Variants in MYCBP2 observed in about 807,000 individuals in gnomAD.
The protein encoded by MYCBP2 is MYC binding protein 2.
A neutral mutation model predicts 525.3 loss-of-function variants in MYCBP2; 120 were observed. The ratio of observed to expected loss-of-function variants is 0.23; its 90% CI spans 0.20 to 0.27. The LOEUF (loss-of-function observed/expected upper bound fraction) is 0.27. Ranked by LOEUF, MYCBP2 falls within the 10% of genes least tolerant of loss-of-function variation. The pLI, the probability that MYCBP2 is intolerant of heterozygous loss-of-function variation, is 1.00. For missense variants in MYCBP2, 4,149 were observed against 5,657.1 expected, an observed-to-expected ratio of 0.73 and a Z score of 8.55; for synonymous variants, 1,894 against 1,955.8, an observed-to-expected ratio of 0.97 and a Z score of 0.83.
intron 80 of MYCBP2, among the ~76,000 whole-genome samples, chr13:77,054,185 G>A (rs1253513076): frequency 6.6e-6 from 1 of 152,090 alleles, no homozygotes; most frequent in Non-Finnish European, 1.5e-5. Flanking sequence ...TGCAGGGGGA[G>A]GTAGAGAAGA....
Position 77,177,906 on chromosome 13 carries a change from A to G in MYCBP2, c.5182T>C (p.Phe1728Leu). The change falls in exon 35 of 83, where the codon TTT becomes CTT. Residue 1728 changes from phenylalanine (F) to leucine (L), a missense_variant. Transcript: ENST00000544440. ...LHSVKASANRFTKTSQGRSWN... is the reference protein window; with the variant it reads ...LHSVKASANRLTKTSQGRSWN... ...CTTCTGCCCTGACTTGTTTTTGTAA[A>G]TCGGTTAGCACTAGCTTTTACAGAG... 1 of 1,613,714 alleles carries G rather than the reference A, an allele frequency of 6.2e-7. No individual in the cohort carries two copies. The highest frequency in any genetic ancestry group is 8.5e-7 in the Non-Finnish European group (1 of 1,179,624).
At chr13:77,123,027 C>A (rs2051025334) in intron 54 of MYCBP2, among the ~76,000 whole-genome samples, 1 of 152,296 alleles carries the variant, frequency 6.6e-6, no homozygotes, top group Middle Eastern at 3.4e-3. Flanking sequence ...TTTACCACAG[C>A]AGTAACTTTG....
At chr13:77,137,950 A>G (rs1054199709) in intron 52 of MYCBP2, among the ~76,000 whole-genome samples, 2 of 152,322 alleles carry the variant, frequency 1.3e-5, no homozygotes, top group African/African-American at 4.8e-5. Context: ...TATTGGAAAA[A>G]AAAACTGTAC....
chr13:77,117,896 CA>C (rs1028858252), intron 55 of MYCBP2, among the ~76,000 whole-genome samples: 46 of 151,628 alleles, frequency 3.0e-4, no homozygotes, highest in African/African-American at 1.1e-3. Flanking sequence ...GGAACAACAA[CA>C]AAAAAATAAA....
chr13:77,146,243 A>G (rs371143304), intron 47 of MYCBP2, 26 bp from the exon 48 acceptor site: 2 of 1,481,872 alleles, frequency 1.3e-6, no homozygotes, highest in Non-Finnish European at 1.8e-6. Flanking sequence ...CAGTCTGAAC[A>G]ATCGTAAAAT....
chr13:77,044,923 A>G lies in MYCBP2; in HGVS notation c.*455T>C, dbSNP rs2035276594. ...AATGTTTTTTTTTTTTTTAAATAAC[A>G]GTCTAGGAAATAAACCAGAATATTC... On this transcript the variant is annotated 3_prime_UTR_variant, in exon 83 of 83. Transcript: ENST00000544440. 1 of 399,892 alleles carries G rather than the reference A, an allele frequency of 2.5e-6. No individual in the cohort carries two copies. Among genetic ancestry groups the G allele is most frequent in the Non-Finnish European group, 4.4e-6 (1 of 226,880 alleles). 24.8% of individuals were successfully genotyped at this position (399,892 alleles called of 1,614,324 possible).
intron 35 of MYCBP2, 41 bp from the exon 36 acceptor site, chr13:77,176,669 T>C (rs1381163058): frequency 7.0e-7 from 1 of 1,418,488 alleles, no homozygotes; most frequent in Admixed American, 2.2e-5. Flanking sequence ...CAACAGACTC[T>C]TAATTTTATT....
At chr13:77,076,704 AAAG>A (rs768608227) in intron 68 of MYCBP2, 44 bp downstream of exon 68, 6 of 1,196,498 alleles carry the variant, frequency 5.0e-6, no homozygotes, top group Admixed American at 2.0e-5. Flanking sequence ...TCACTGAAAA[AAAG>A]AATAAAAAAG....
intron 2 of MYCBP2, among the ~76,000 whole-genome samples, chr13:77,290,057 G>A (rs1047686308): frequency 6.6e-6 from 1 of 151,956 alleles, no homozygotes; most frequent in Non-Finnish European, 1.5e-5. Context: ...ATTAACAAAT[G>A]GGCAAAAGAT....
intron 63 of MYCBP2, 80 bp downstream of exon 63, chr13:77,082,952 T>A: frequency 7.2e-7 from 1 of 1,390,126 alleles, no homozygotes; most frequent in South Asian, 1.5e-5. Flanking sequence ...TAAAGAGCTT[T>A]TTTTGGAGCA....
At position 77,047,602 on chromosome 13, in the gene MYCBP2, A is replaced by G. The variant is rs555790466; in HGVS notation, c.13922-2109T>C. The stretch of plus-strand genomic sequence containing the variant: ...CATATAACATAAAAAGCAGTTGGGG[A>G]AAAAAAGTCAAGCTGCAGGCACCGA... On this transcript the variant is annotated intron_variant, in intron 82 of 82. Coordinates refer to ENST00000544440, the MANE Select transcript of MYCBP2 (RefSeq NM_015057.5). Among the ~76,000 whole-genome samples the G allele has an allele frequency of 1.3e-4, 20 of 152,198 alleles. 1 individual carries two copies. In the South Asian group the frequency reaches 3.1e-3, roughly 24 times the overall value.
At chr13:77,061,392 G>T (rs2285389) in intron 75 of MYCBP2, 91 bp from the exon 76 acceptor site, 1 of 1,121,048 alleles carries the variant, frequency 8.9e-7, no homozygotes, top group East Asian at 2.7e-5. Flanking sequence ...AATAATAATG[G>T]CTTTCATTTA....
chr13:77,247,339 A>G (rs532962959), intron 15 of MYCBP2, among the ~76,000 whole-genome samples: 2 of 152,228 alleles, frequency 1.3e-5, no homozygotes, highest in Non-Finnish European at 2.9e-5. Flanking sequence ...GAAATTACAG[A>G]AACAATTCCA....
chr13:77,146,413 CA>C (rs986774185), intron 47 of MYCBP2, among the ~76,000 whole-genome samples, 196 bp from the exon 48 acceptor site: 4 of 148,376 alleles, frequency 2.7e-5, no homozygotes, highest in African/African-American at 9.9e-5. Context: ...AAGTAAACAC[CA>C]AAACTTAAAA....
At chr13:77,124,988 T>C (rs1269701624) in intron 54 of MYCBP2, among the ~76,000 whole-genome samples, 1 of 152,176 alleles carries the variant, frequency 6.6e-6, no homozygotes, top group African/African-American at 2.4e-5. Context: ...AGATTGGTAG[T>C]TGGAATACCG....
At chr13:77,294,105 TATATATATATATATATATATATATAC>T (rs2077792992) in intron 2 of MYCBP2, among the ~76,000 whole-genome samples, 1 of 7,930 alleles carries the variant, frequency 1.3e-4, no homozygotes, top group Non-Finnish European at 3.0e-4. Flanking sequence ...ATATAATGGC[TATATATATATATATATATATATATAC>T]ATATATATAT....
chr13:77,307,646 A>AC (rs1456831954), intron 1 of MYCBP2, among the ~76,000 whole-genome samples: 1 of 148,090 alleles, frequency 6.8e-6, no homozygotes, highest in East Asian at 2.0e-4. Context: ...AAAAAAAAAA[A>AC]AAAAAAAACT....
intron 15 of MYCBP2, among the ~76,000 whole-genome samples, chr13:77,250,086 A>G (rs2070902570): frequency 6.6e-6 from 1 of 151,192 alleles, no homozygotes; most frequent in South Asian, 2.1e-4. Flanking sequence ...AGCCGGGCGT[A>G]GTGGCGGGCG....
intron 42 of MYCBP2, 141 bp downstream of exon 42, chr13:77,165,132 A>G (rs2058382971): frequency 6.0e-6 from 4 of 661,744 alleles, no homozygotes; most frequent in African/African-American, 1.9e-5. Flanking sequence ...AAGTGCTGCA[A>G]TTACAGGTGT....
Sources: allele counts gnomAD v4.1 joint callset (sites outside exome capture counted in the v4.1 genomes callset), GRCh38; gene constraint gnomAD v4.1.1; transcripts MANE v1.5; gene names NCBI Gene and HGNC (gene_info 2026-07-23, HGNC 2026-07-21).